TEX15: variants seen among roughly 807,000 people sequenced by gnomAD.
The protein encoded by TEX15 is testis-expressed protein 15.
A neutral mutation model predicts 237.3 loss-of-function variants in TEX15; 171 were observed. The observed-to-expected ratio is 0.72, with a 90% CI of 0.64 to 0.82. The LOEUF is 0.82. TEX15 is among the 40% of genes least tolerant of loss of function. The pLI, the probability that TEX15 is intolerant of heterozygous loss-of-function variation, is 0.00. For missense variants in TEX15, 3,750 were observed against 3,646.5 expected (o/e 1.03, Z -0.73); for synonymous variants, 1,338 against 1,269.8 (o/e 1.05, Z -1.14).
In TEX15 at chr8:30,863,412, G is replaced by T. The variant is rs1442396673; in HGVS notation, c.541-3355C>A. Among the ~76,000 whole-genome samples the T allele has an allele frequency of 3.9e-5, 6 of 152,256 alleles. No homozygotes were observed. In the East Asian group the frequency reaches 1.2e-3, roughly 29 times the overall value. On this transcript the variant is annotated intron_variant, in intron 5 of 10. Coordinates refer to ENST00000643185, the MANE Select transcript of TEX15 (RefSeq NM_001350162.2). ...CAGGCAGCTGTACAGTGTTCCTGGA[G>T]CAGCTTGTACATGTGTTCTTGGCCA...
chr8:30,859,068 A>G (rs1474430444), intron 6 of TEX15, among the ~76,000 whole-genome samples: 12 of 152,130 alleles, frequency 7.9e-5, no homozygotes, highest in Non-Finnish European at 1.8e-4. Flanking sequence ...GTTTTTAAAT[A>G]AAAAATATTT....
At chr8:30,909,755 T>A (rs1159006138) in intron 1 of TEX15, among the ~76,000 whole-genome samples, 1 of 152,154 alleles carries the variant, frequency 6.6e-6, no homozygotes, top group Admixed American at 6.5e-5. Context: ...ACATCAATTT[T>A]AAACATGCTT....
Position 30,839,920 on chromosome 8 carries a change from T to A in TEX15, c.8208A>T (p.Thr2736=). 1 of 1,602,120 alleles carries A rather than the reference T, an allele frequency of 6.2e-7. No individual in the cohort carries two copies. Among genetic ancestry groups the A allele is most frequent in the Non-Finnish European group, 8.5e-7 (1 of 1,174,518 alleles). The change falls in exon 9 of 11, where the codon ACA becomes ACT. Residue 2736 remains threonine, a synonymous_variant. Transcript: ENST00000643185. ...DVTKINREKA[T]FKHPRTTGSH... The stretch of plus-strand genomic sequence containing the variant: ...GGAACTCCTACCTTGGATGCTTGAA[T>A]GTTGCCTTTTCTCTGTTGATTTTTG...
chr8:30,835,173 C>T (rs1278165207), intron 10 of TEX15, among the ~76,000 whole-genome samples: 4 of 152,022 alleles, frequency 2.6e-5, no homozygotes, highest in Non-Finnish European at 5.9e-5. Flanking sequence ...GGCGCGATCT[C>T]GGCTCACTGC....
At chr8:30,869,716 C>T (rs940509620) in intron 4 of TEX15, among the ~76,000 whole-genome samples, 1 of 152,044 alleles carries the variant, frequency 6.6e-6, no homozygotes, top group Non-Finnish European at 1.5e-5. Flanking sequence ...AGCTTGACCT[C>T]CTATCTCCTT....
At chr8:30,898,691 TCAA>T (rs1412988777) in intron 2 of TEX15, 48 bp downstream of exon 2, 14 of 152,054 alleles carry the variant, frequency 9.2e-5, no homozygotes, top group African/African-American at 3.1e-4. Flanking sequence ...TTAAAATAAA[TCAA>T]CAAGGTATAA....
In TEX15 at chr8:30,843,964, C is replaced by G; in HGVS notation, c.6203G>C (p.Cys2068Ser). 6.2e-7 allele frequency: 1 copy of G among 1,613,050 alleles called. No homozygotes were observed. The highest frequency in any genetic ancestry group is 8.5e-7 in the Non-Finnish European group (1 of 1,179,650). Residue 2068 changes from cysteine (C) to serine (S), a missense_variant, in exon 8 of 11, where the codon TGT becomes TCT. Transcript: ENST00000643185. The part of the protein sequence containing the change: ...WNNCKHTLKP[C>S]AVDTLVELQM... ...AAGTTCTACCAAAGTGTCAACAGCA[C>G]ATGGTTTTAATGTGTGTTTGCAATT...
At chr8:30,893,940 C>G (rs897393494) in intron 2 of TEX15, among the ~76,000 whole-genome samples, 1 of 152,068 alleles carries the variant, frequency 6.6e-6, no homozygotes, top group Admixed American at 6.6e-5. Flanking sequence ...AAATTTCTAT[C>G]TTTATTCTTC....
intron 3 of TEX15, among the ~76,000 whole-genome samples, chr8:30,880,153 C>T (rs1162077729): frequency 6.6e-6 from 1 of 152,086 alleles, no homozygotes; most frequent in African/African-American, 2.4e-5. Context: ...CTCACCCTCC[C>T]AAGTAGCTGG....
chr8:30,847,776 G>A lies in TEX15; in HGVS notation c.2391C>T (p.Cys797=). ...NIETAHDSSN[C]SITREHICVH... Reference sequence around the variant, plus strand: ...CACATATATGTTCTCTAGTTATGCTGCAATTTGAACTGTCATGAGCTGTTT... The same window carrying A: ...CACATATATGTTCTCTAGTTATGCTACAATTTGAACTGTCATGAGCTGTTT... Residue 797 remains cysteine, a synonymous_variant, in exon 8 of 11, where the codon TGC becomes TGT. Transcript: ENST00000643185. The A allele has an allele frequency of 1.2e-6, 2 of 1,613,608 alleles. No homozygotes were observed. Among genetic ancestry groups the A allele is most frequent in the Non-Finnish European group, 8.5e-7 (1 of 1,179,906 alleles).
At chr8:30,878,600 T>C (rs1203828975) in intron 3 of TEX15, among the ~76,000 whole-genome samples, 1 of 152,150 alleles carries the variant, frequency 6.6e-6, no homozygotes, top group African/African-American at 2.4e-5. Context: ...TTGGTCAGGC[T>C]GGTCTTGAAC....
At chr8:30,904,767 G>A (rs1374518485) in intron 1 of TEX15, among the ~76,000 whole-genome samples, 1 of 152,208 alleles carries the variant, frequency 6.6e-6, no homozygotes, top group African/African-American at 2.4e-5. Flanking sequence ...ATTCAAAGAA[G>A]TCAACAGCTT....
At chr8:30,888,532 A>C in intron 2 of TEX15, 2 of 993,266 alleles carry the variant, frequency 2.0e-6, no homozygotes, top group Non-Finnish European at 2.8e-6. Flanking sequence ...TCCCCTGCCA[A>C]ATATTGATTC....
chr8:30,852,770 T>C (rs144023162), intron 7 of TEX15, among the ~76,000 whole-genome samples: 2,670 of 152,136 alleles, frequency 0.018, 34 homozygotes, highest in Non-Finnish European at 0.023. Flanking sequence ...ATACGGAAAC[T>C]AATAAAACCA....
At chr8:30,838,131 A>G (rs113446144) in intron 9 of TEX15, 70 bp from the exon 10 acceptor site, 2 of 1,341,200 alleles carry the variant, frequency 1.5e-6, no homozygotes, top group East Asian at 2.6e-5. Flanking sequence ...ATGGAAATAT[A>G]TATTTGAAAT....
chr8:30,849,341 A>G (rs1563245872), intron 7 of TEX15, 25 bp from the exon 8 acceptor site: 1 of 1,421,674 alleles, frequency 7.0e-7, no homozygotes, highest in Admixed American at 2.7e-5. Context: ...AGGAAGACAA[A>G]TTTGAAAAAA....
chr8:30,834,220 T>A (rs188431087), intron 10 of TEX15, among the ~76,000 whole-genome samples: 1 of 152,364 alleles, frequency 6.6e-6, no homozygotes, highest in East Asian at 1.9e-4. Flanking sequence ...TCGCCCAGTA[T>A]GGAGTGCAAT....
rs762222301 is a variant in TEX15, at chr8:30,837,744, C to A, written c.8540G>T (p.Ser2847Ile). 1 of 1,614,062 alleles carries A rather than the reference C, an allele frequency of 6.2e-7. No homozygotes were observed. The highest frequency in any genetic ancestry group is 1.3e-5 in the African/African-American group (1 of 75,020). Reference sequence around the variant, plus strand: ...GTCTGGTGAAAATGTGCCATGTACACTTTTTTGGTCACAAATTGCAAAAGC... The same window carrying A: ...GTCTGGTGAAAATGTGCCATGTACAATTTTTTGGTCACAAATTGCAAAAGC... ...CAAFAICDQK[S>I]VHGTFSPDHG... The change falls in exon 10 of 11, where the codon AGT becomes ATT. Residue 2847 changes from serine to isoleucine, a missense_variant. Transcript: ENST00000643185.
rs571611926 is a variant in TEX15, at chr8:30,885,314, C to T, written c.136+1853G>A. 8.7e-4 allele frequency among the ~76,000 whole-genome samples: 133 copies of T among 152,120 alleles called. 2 individuals carry two copies. In the South Asian group the frequency reaches 0.014, roughly 16 times the overall value. On this transcript the variant is annotated intron_variant, in intron 3 of 10. Transcript: ENST00000643185. ...CTGAACTATGGGGGCAAGTCTTTCC[C>T]GTGCTATTCTCATGATAGTGAATGG...
Sources: allele counts gnomAD v4.1 joint callset (sites outside exome capture counted in the v4.1 genomes callset), GRCh38; gene constraint gnomAD v4.1.1; transcripts MANE v1.5; gene names NCBI Gene and HGNC (gene_info 2026-07-23, HGNC 2026-07-21).